The following CNTNAP2 variants were observed in gnomAD, a reference collection of about 807,000 sequenced individuals.
The protein encoded by CNTNAP2 is contactin-associated protein-like 2.
Under a neutral mutation model 155.2 loss-of-function variants are expected in CNTNAP2, and 98 were observed. The observed-to-expected ratio is 0.63, with a 90% CI of 0.54 to 0.75. The LOEUF is 0.75. CNTNAP2 is among the 30% of genes least tolerant of loss of function. The pLI is 0.00. For missense variants in CNTNAP2, 1,727 were observed against 1,688.1 expected, an observed-to-expected ratio of 1.02 and a Z score of -0.40; for synonymous variants, 651 against 631.2, an observed-to-expected ratio of 1.03 and a Z score of -0.47.
chr7:147,271,141 TG>T (rs1462368972), intron 8 of CNTNAP2, among the ~76,000 whole-genome samples: 1 of 152,180 alleles, frequency 6.6e-6, no homozygotes, highest in African/African-American at 2.4e-5. Flanking sequence ...AAGAACAACT[TG>T]TATAGATCAT....
At chr7:147,708,093 AG>A (rs1796345263) in intron 13 of CNTNAP2, among the ~76,000 whole-genome samples, 1 of 152,148 alleles carries the variant, frequency 6.6e-6, no homozygotes, top group South Asian at 2.1e-4. Context: ...ATGTCCCCAA[AG>A]AAATGTTTGA....
chr7:147,202,346 G>A (rs1802938293), intron 8 of CNTNAP2, among the ~76,000 whole-genome samples: 1 of 151,760 alleles, frequency 6.6e-6, no homozygotes, highest in Admixed American at 6.6e-5. Context: ...ATGAGAAAAT[G>A]AAAATAAATG....
At position 146,478,953 on chromosome 7, in the gene CNTNAP2, C is replaced by G. The variant is rs1346850083; in HGVS notation, c.98-295318C>G. ...AATAGGACCGATTATTGAAGGTGAA[C>G]TCCTTCCTTTTCTGTTCTCTACTCA... On this transcript the variant is annotated intron_variant, in intron 1 of 23. Transcript: ENST00000361727. Among the ~76,000 whole-genome samples, 2 of 152,126 alleles carry G rather than the reference C, an allele frequency of 1.3e-5. 1 individual carries two copies. The highest frequency in any genetic ancestry group is 4.1e-4 in the South Asian group (2 of 4,828).
chr7:147,181,981 T>C (rs1420529587), intron 8 of CNTNAP2, among the ~76,000 whole-genome samples: 6 of 151,754 alleles, frequency 4.0e-5, no homozygotes, highest in African/African-American at 1.5e-4. Context: ...AAAAATTAGC[T>C]GGGCATGGTG....
chr7:148,114,796 A>G (rs1804430241), intron 15 of CNTNAP2, among the ~76,000 whole-genome samples: 1 of 152,242 alleles, frequency 6.6e-6, no homozygotes, highest in Non-Finnish European at 1.5e-5. Flanking sequence ...TGTACATTAT[A>G]AAGTATAACT....
intron 1 of CNTNAP2, among the ~76,000 whole-genome samples, chr7:146,567,620 A>G (rs1798377308): frequency 1.3e-5 from 2 of 152,348 alleles, no homozygotes; most frequent in South Asian, 4.1e-4. Flanking sequence ...TGTCAAGCAC[A>G]TATCAGAAAA....
At chr7:147,969,075 T>C (rs528263035) in intron 14 of CNTNAP2, among the ~76,000 whole-genome samples, 1 of 152,292 alleles carries the variant, frequency 6.6e-6, no homozygotes, top group South Asian at 2.1e-4. Context: ...TTCTCTCTTT[T>C]TGGTTTTGAC....
At chr7:146,431,165 C>T (rs1372535711) in intron 1 of CNTNAP2, among the ~76,000 whole-genome samples, 1 of 151,922 alleles carries the variant, frequency 6.6e-6, no homozygotes, top group Non-Finnish European at 1.5e-5. Flanking sequence ...ACACAAACTC[C>T]AGGTAATACA....
chr7:146,246,699 A>G (rs1224906907), intron 1 of CNTNAP2, among the ~76,000 whole-genome samples: 1 of 152,046 alleles, frequency 6.6e-6, no homozygotes, highest in Admixed American at 6.5e-5. Context: ...CTTCGGCCAG[A>G]GTTCCAGGGG....
intron 8 of CNTNAP2, among the ~76,000 whole-genome samples, chr7:147,227,750 C>G (rs548225032): frequency 6.6e-6 from 1 of 152,238 alleles, no homozygotes; most frequent in East Asian, 1.9e-4. Context: ...TTTGGGCTCT[C>G]TACTCATGAT....
chr7:146,317,727 A>T (rs1387681645), intron 1 of CNTNAP2, among the ~76,000 whole-genome samples: 1 of 152,230 alleles, frequency 6.6e-6, no homozygotes, highest in African/African-American at 2.4e-5. Context: ...TCATATTGGC[A>T]GAAAGAATAC....
intron 1 of CNTNAP2, among the ~76,000 whole-genome samples, chr7:146,539,285 T>A (rs1481964515): frequency 6.6e-6 from 1 of 152,066 alleles, no homozygotes; most frequent in Non-Finnish European, 1.5e-5. Context: ...TACATGGGTT[T>A]CTGAAGAATG....
chr7:148,061,171 CA>C (rs1803121924), intron 15 of CNTNAP2, among the ~76,000 whole-genome samples: 1 of 151,750 alleles, frequency 6.6e-6, no homozygotes, highest in East Asian at 1.9e-4. Flanking sequence ...ATATTAACAT[CA>C]AAATTAATGT....
intron 1 of CNTNAP2, among the ~76,000 whole-genome samples, chr7:146,738,668 T>C (rs1323665920): frequency 6.6e-6 from 1 of 151,962 alleles, no homozygotes; most frequent in Admixed American, 6.6e-5. Flanking sequence ...AAGTATTTAA[T>C]CCATTTTGAG....
At chr7:147,665,792 G>T (rs557545691) in intron 13 of CNTNAP2, among the ~76,000 whole-genome samples, 1 of 152,276 alleles carries the variant, frequency 6.6e-6, no homozygotes, top group African/African-American at 2.4e-5. Flanking sequence ...TCCTACAGAG[G>T]ACATGACCTC....
At chr7:147,211,612 A>G (rs887837156) in intron 8 of CNTNAP2, among the ~76,000 whole-genome samples, 3 of 151,930 alleles carry the variant, frequency 2.0e-5, no homozygotes, top group Non-Finnish European at 2.9e-5. Context: ...TAACCGTATG[A>G]GAAACTAGAC....
intron 9 of CNTNAP2, among the ~76,000 whole-genome samples, chr7:147,367,473 G>C (rs1485767024): frequency 6.6e-6 from 1 of 151,788 alleles, no homozygotes; most frequent in Non-Finnish European, 1.5e-5. Flanking sequence ...TTCTGCAAAA[G>C]AGAACTTTTA....
intron 4 of CNTNAP2, among the ~76,000 whole-genome samples, chr7:147,066,216 A>AGATG (rs1281989024): frequency 6.6e-6 from 1 of 152,212 alleles, no homozygotes; most frequent in African/African-American, 2.4e-5. Flanking sequence ...ACTGAATTGA[A>AGATG]GATGCTGGTA....
At chr7:147,945,329 A>T (rs1206385846) in intron 14 of CNTNAP2, among the ~76,000 whole-genome samples, 3 of 152,198 alleles carry the variant, frequency 2.0e-5, no homozygotes, top group Non-Finnish European at 4.4e-5. Flanking sequence ...TTTTAAAATC[A>T]ATTTGGAATA....
Sources: gnomAD v4.1 joint callset for allele counts (sites outside exome capture counted in the v4.1 genomes callset) on GRCh38, gnomAD v4.1.1 for gene constraint, MANE v1.5 for transcripts, NCBI Gene and HGNC (gene_info 2026-07-23, HGNC 2026-07-21) for gene names.